RBFOX2: variants seen among roughly 807,000 people sequenced by gnomAD.
The protein encoded by RBFOX2 is RNA binding fox-1 homolog 2.
A neutral mutation model predicts 49.1 loss-of-function variants in RBFOX2; 10 were observed. That is an observed-to-expected ratio of 0.20 (90% CI 0.13 to 0.35). The LOEUF is 0.35. RBFOX2 is among the 10% of genes least tolerant of loss of function. RBFOX2 has a pLI of 1.00. For synonymous variants in RBFOX2, 183 were observed against 187.4 expected (o/e 0.98, Z 0.19); for missense variants, 323 against 486.9 (o/e 0.66, Z 3.17).
chr22:35,876,901 CA>C (rs2045186070), intron 1 of RBFOX2, among the ~76,000 whole-genome samples: 2 of 152,096 alleles, frequency 1.3e-5, no homozygotes, highest in South Asian at 4.1e-4. Context: ...CAGAAAATTA[CA>C]AATAATGCCA....
At chr22:35,896,833 A>G (rs569740187) in intron 1 of RBFOX2, among the ~76,000 whole-genome samples, 55 of 152,342 alleles carry the variant, frequency 3.6e-4, no homozygotes, top group African/African-American at 1.3e-3. Flanking sequence ...ACAAAAGAGG[A>G]GAAAGAACTT....
intron 2 of RBFOX2, among the ~76,000 whole-genome samples, chr22:35,782,374 T>G (rs1945342772): frequency 6.6e-6 from 1 of 152,104 alleles, no homozygotes; most frequent in South Asian, 2.1e-4. Context: ...CAGGCTCGAG[T>G]GCAGTGGTGC....
chr22:35,775,841 CAAAAAAAAAA>C (rs753116056), intron 4 of RBFOX2, among the ~76,000 whole-genome samples: 2 of 56,178 alleles, frequency 3.6e-5, no homozygotes, highest in African/African-American at 7.1e-5. Flanking sequence ...GAATCTGCCT[CAAAAAAAAAA>C]AAAAAAAAAA....
At chr22:35,937,883 C>T (rs1251150254) in intron 1 of RBFOX2, among the ~76,000 whole-genome samples, 1 of 152,152 alleles carries the variant, frequency 6.6e-6, no homozygotes, top group Non-Finnish European at 1.5e-5. Flanking sequence ...GCCACCGCAC[C>T]CAGCCGACCA....
intron 10 of RBFOX2, 23 bp downstream of exon 12, chr22:35,746,450 C>A: frequency 6.5e-7 from 1 of 1,534,548 alleles, no homozygotes; most frequent in Non-Finnish European, 8.9e-7. Context: ...CATCCCAAAG[C>A]TCACCACTGT....
chr22:36,006,334 C>G (rs111329362), intron 1 of RBFOX2, among the ~76,000 whole-genome samples: 1 of 152,172 alleles, frequency 6.6e-6, no homozygotes, highest in African/African-American at 2.4e-5. Context: ...GGCACTCAAC[C>G]TGTGGTTCCA....
At chr22:35,824,766 T>C (rs1424232418) in intron 1 of RBFOX2, among the ~76,000 whole-genome samples, 1 of 152,220 alleles carries the variant, frequency 6.6e-6, no homozygotes, top group African/African-American at 2.4e-5. Context: ...CACTCCACAT[T>C]TCCTGTGAAA....
chr22:35,911,277 A>G (rs556741135), intron 1 of RBFOX2, among the ~76,000 whole-genome samples: 19 of 152,336 alleles, frequency 1.2e-4, no homozygotes, highest in African/African-American at 4.6e-4. Flanking sequence ...CTCCTACAGA[A>G]GAGTTTTAGG....
intron 1 of RBFOX2, among the ~76,000 whole-genome samples, chr22:35,914,148 G>A (rs1421136312): frequency 6.6e-6 from 1 of 152,204 alleles, no homozygotes; most frequent in African/African-American, 2.4e-5. Flanking sequence ...CTGGGCATTA[G>A]AGCCAGATGG....
exon 11 of RBFOX2, chr22:35,745,939 T>G: frequency 6.2e-7 from 1 of 1,613,602 alleles, no homozygotes; most frequent in Non-Finnish European, 8.5e-7. Context: ...GCCAACTCCA[T>G]AGCTAGCGGC....
At chr22:35,904,610 C>T (rs1164486598) in intron 1 of RBFOX2, among the ~76,000 whole-genome samples, 3 of 152,216 alleles carry the variant, frequency 2.0e-5, no homozygotes, top group East Asian at 1.9e-4. Context: ...ATAATCATAA[C>T]GTCAATATGA....
intron 1 of RBFOX2, among the ~76,000 whole-genome samples, chr22:35,881,092 G>C (rs935796167): frequency 6.6e-6 from 1 of 151,044 alleles, no homozygotes; most frequent in East Asian, 2.0e-4. Flanking sequence ...GTGAAACCCC[G>C]TCTCTACTAA....
At chr22:35,778,824 A>AG in intron 3 of RBFOX2, among the ~76,000 whole-genome samples, 1 of 152,178 alleles carries the variant, frequency 6.6e-6, no homozygotes, top group Middle Eastern at 3.4e-3. Flanking sequence ...TTTAGTAGAG[A>AG]GGGGGTTTCA....
intron 9 of RBFOX2, chr22:35,752,767 G>T: frequency 4.6e-6 from 2 of 435,650 alleles, no homozygotes; most frequent in Non-Finnish European, 6.1e-6. Flanking sequence ...TTGGATGCAA[G>T]CATGCTTTTC....
At chr22:35,925,475 G>C (rs907464624) in intron 1 of RBFOX2, among the ~76,000 whole-genome samples, 1 of 152,106 alleles carries the variant, frequency 6.6e-6, no homozygotes, top group Non-Finnish European at 1.5e-5. Flanking sequence ...TCGAGGCTCC[G>C]CCACTGCACT....
In RBFOX2 at chr22:35,744,151, A is replaced by C. The variant is rs545279111; in HGVS notation, c.*44T>G. The stretch of plus-strand genomic sequence containing the variant: ...TTCCTCTACTAGTAAATATTGCAAT[A>C]GCCAGGCCTCATGAACTGGGGGGCT... On this transcript the variant is annotated 3_prime_UTR_variant, in exon 12 of 12. Coordinates refer to ENST00000405409, the Ensembl canonical transcript of RBFOX2. 7 of 1,543,258 alleles carry C rather than the reference A, an allele frequency of 4.5e-6. No individual in the cohort carries two copies. In the South Asian group the frequency reaches 8.3e-5, roughly 18 times the overall value.
intron 1 of RBFOX2, among the ~76,000 whole-genome samples, chr22:35,901,312 A>G (rs1264104021): frequency 6.6e-6 from 1 of 152,190 alleles, no homozygotes; most frequent in Non-Finnish European, 1.5e-5. Context: ...CCCTGGATAT[A>G]AATAACCCTG....
At chr22:35,976,440 C>T (rs1415276041) in intron 1 of RBFOX2, among the ~76,000 whole-genome samples, 1 of 152,058 alleles carries the variant, frequency 6.6e-6, no homozygotes, top group East Asian at 1.9e-4. Context: ...AGATCTCCAC[C>T]TCCCTCAACA....
At chr22:35,821,503 G>C (rs1235971905) in intron 1 of RBFOX2, among the ~76,000 whole-genome samples, 1 of 149,294 alleles carries the variant, frequency 6.7e-6, no homozygotes, top group African/African-American at 2.5e-5. Flanking sequence ...GGCTGAGGCA[G>C]GAGAACTGCT....
Sources: gnomAD v4.1 joint callset for allele counts (sites outside exome capture counted in the v4.1 genomes callset) on GRCh38, gnomAD v4.1.1 for gene constraint, MANE v1.5 for transcripts, NCBI Gene and HGNC (gene_info 2026-07-23, HGNC 2026-07-21) for gene names.